The following ZNF736 variants were observed in gnomAD, a reference collection of about 807,000 sequenced individuals.
The protein encoded by ZNF736 is zinc finger protein 736.
In ZNF736, 6 loss-of-function variants were observed where a neutral mutation model predicts 11.7. That is an observed-to-expected ratio of 0.51 (90% CI 0.28 to 1.01). The LOEUF is 1.01. Among genes scored for constraint, ZNF736 ranks in the 50% least tolerant of loss-of-function variants. ZNF736 has a pLI of 0.09. For synonymous variants in ZNF736, 139 were observed against 164.7 expected (o/e 0.84, Z 1.19); for missense variants, 444 against 496.0 (o/e 0.90, Z 1.00).
intron 3 of ZNF736, among the ~76,000 whole-genome samples, chr7:64,340,110 A>G (rs1050745379): frequency 2.0e-5 from 3 of 152,186 alleles, no homozygotes; most frequent in African/African-American, 4.8e-5. Context: ...GCACTAGGGC[A>G]GTGTTCTGCA....
rs1242083666 is a variant in ZNF736 at position 64,349,921 on chromosome 7, AT to A, written c.*777del. Reference sequence around the variant, plus strand: ...TGACTTGTAGGATTTCAGCTGAAAGATTTGTTGTTTTCCTGATGAGCTTCTT... The same window carrying A: ...TGACTTGTAGGATTTCAGCTGAAAGATTGTTGTTTTCCTGATGAGCTTCTT... On this transcript the variant is annotated 3_prime_UTR_variant, in exon 4 of 4. Coordinates refer to ENST00000423484, the MANE Select transcript of ZNF736 (RefSeq NM_001170905.3). 6.6e-6 allele frequency: 1 copy of A among 152,064 alleles called. No individual in the cohort carries two copies. Among genetic ancestry groups the A allele is most frequent in the East Asian group, 1.9e-4 (1 of 5,180 alleles). 9.4% of individuals were successfully genotyped at this position (152,064 alleles called of 1,614,324 possible).
intron 1 of ZNF736, among the ~76,000 whole-genome samples, chr7:64,332,261 C>T (rs558895929): frequency 2.4e-4 from 36 of 151,434 alleles, no homozygotes; most frequent in Non-Finnish European, 3.7e-4. Flanking sequence ...AAGTGTCGGC[C>T]GGCTGAGAAA....
chr7:64,316,148 G>A (rs1788914564), intron 1 of ZNF736, among the ~76,000 whole-genome samples: 1 of 152,236 alleles, frequency 6.6e-6, no homozygotes, highest in Non-Finnish European at 1.5e-5. Flanking sequence ...CTCTTGGAGT[G>A]TCTAGCAAAC....
chr7:64,335,704 G>A (rs1345157997), intron 1 of ZNF736, among the ~76,000 whole-genome samples: 4 of 152,066 alleles, frequency 2.6e-5, no homozygotes, highest in African/African-American at 9.7e-5. Flanking sequence ...GAAGGCTCTC[G>A]TCTTTCTTTA....
chr7:64,330,468 T>G (rs1789149238), intron 1 of ZNF736, among the ~76,000 whole-genome samples: 1 of 151,924 alleles, frequency 6.6e-6, no homozygotes, highest in Non-Finnish European at 1.5e-5. Context: ...GGAAGTGGGT[T>G]TTTTTTCTGA....
chr7:64,324,501 C>T (rs1229731097), intron 1 of ZNF736, among the ~76,000 whole-genome samples: 2 of 152,134 alleles, frequency 1.3e-5, no homozygotes, highest in Admixed American at 1.3e-4. Context: ...AGACTCCTCC[C>T]ATTTAGCTAC....
intron 1 of ZNF736, among the ~76,000 whole-genome samples, chr7:64,319,776 G>A (rs1788978705): frequency 6.6e-6 from 1 of 151,240 alleles, no homozygotes. Context: ...TTGCAGGTGT[G>A]AGCCACTACG....
chr7:64,326,824 T>A (rs1789089192), intron 1 of ZNF736, among the ~76,000 whole-genome samples: 1 of 152,166 alleles, frequency 6.6e-6, no homozygotes, highest in Admixed American at 6.5e-5. Context: ...CAGGAGCATA[T>A]TTTAATTTCT....
intron 3 of ZNF736, among the ~76,000 whole-genome samples, chr7:64,347,061 A>G (rs1327195530): frequency 2.0e-5 from 3 of 151,750 alleles, no homozygotes; most frequent in Non-Finnish European, 4.4e-5. Context: ...TGCAATTTGT[A>G]TAATAAAAAG....
intron 1 of ZNF736, among the ~76,000 whole-genome samples, chr7:64,316,335 G>T (rs1449450304): frequency 6.6e-6 from 1 of 152,176 alleles, no homozygotes; most frequent in Admixed American, 6.5e-5. Context: ...TTCATTTCTT[G>T]CAGACACATT....
intron 3 of ZNF736, 131 bp from the exon 4 acceptor site, chr7:64,347,959 T>A (rs2115969117): frequency 1.1e-6 from 1 of 878,970 alleles, no homozygotes; most frequent in Admixed American, 3.3e-5. Flanking sequence ...TTCTGTTAGG[T>A]TTATATGTCT....
intron 1 of ZNF736, among the ~76,000 whole-genome samples, chr7:64,320,045 T>C (rs1198930830): frequency 6.6e-6 from 1 of 152,170 alleles, no homozygotes; most frequent in Non-Finnish European, 1.5e-5. Context: ...TATTACACTC[T>C]AAATATAAAC....
intron 1 of ZNF736, among the ~76,000 whole-genome samples, chr7:64,333,554 A>G (rs539079763): frequency 6.6e-6 from 1 of 151,662 alleles, no homozygotes; most frequent in South Asian, 2.1e-4. Flanking sequence ...ATTTAATGAG[A>G]ATGGTCTTTA....
chr7:64,344,114 C>G (rs1789376862), intron 3 of ZNF736, among the ~76,000 whole-genome samples: 1 of 152,080 alleles, frequency 6.6e-6, no homozygotes, highest in Non-Finnish European at 1.5e-5. Context: ...ACCAGCCTGG[C>G]CAACATGGCA....
At chr7:64,327,517 G>A (rs7789888) in intron 1 of ZNF736, among the ~76,000 whole-genome samples, 13,691 of 151,982 alleles carry the variant, frequency 0.09, 1,006 homozygotes, top group African/African-American at 0.2. Context: ...TTTGATTGGG[G>A]AGTTAATTTA....
chr7:64,345,895 A>G (rs968433322), intron 3 of ZNF736, among the ~76,000 whole-genome samples: 1 of 152,152 alleles, frequency 6.6e-6, no homozygotes, highest in African/African-American at 2.4e-5. Context: ...TTGTGGTGTC[A>G]CAGGTCATCC....
chr7:64,340,065 C>T (rs572456987), intron 3 of ZNF736, among the ~76,000 whole-genome samples: 6 of 152,202 alleles, frequency 3.9e-5, no homozygotes, highest in African/African-American at 1.2e-4. Flanking sequence ...TCTTGGCAGA[C>T]GGAATTGCCT....
Position 64,348,630 on chromosome 7 carries a change from C to A in ZNF736, c.767C>A (p.Pro256His), listed in dbSNP as rs1185614119. 6.9e-6 allele frequency: 11 copies of A among 1,605,692 alleles called. No individual in the cohort carries two copies. The highest frequency in any genetic ancestry group is 2.3e-5 in the East Asian group (1 of 44,430). Residue 256 changes from proline to histidine, a missense_variant, in exon 4 of 4, where the codon CCC becomes CAC. Pro to His is a moderately conservative substitution (Grantham distance 77). Coordinates refer to ENST00000423484, the MANE Select transcript of ZNF736 (RefSeq NM_001170905.3). ...AAGAGAAATCATACTGGAGACAGAC[C>A]CTACAAATGTGAAGAATGTGGCAAA... ...KHKRNHTGDR[P>H]YKCEECGKAF...
At position 64,348,868 on chromosome 7, in the gene ZNF736, T is replaced by C; in HGVS notation, c.1005T>C (p.His335=). ...FSALSKHKRI[H]TGEKPYICEE... ...CCCTTAGTAAACATAAGAGAATTCA[T>C]ACTGGAGAGAAACCCTACATCTGTG... Residue 335 remains histidine (H), a synonymous_variant, in exon 4 of 4, where the codon CAT becomes CAC. Transcript: ENST00000423484. The C allele has an allele frequency of 6.2e-7, 1 of 1,607,252 alleles. No individual in the cohort carries two copies. The highest frequency in any genetic ancestry group is 1.1e-5 in the South Asian group (1 of 90,316).
Sources: gnomAD v4.1 joint callset for allele counts (sites outside exome capture counted in the v4.1 genomes callset) on GRCh38, gnomAD v4.1.1 for gene constraint, MANE v1.5 for transcripts, NCBI Gene and HGNC (gene_info 2026-07-23, HGNC 2026-07-21) for gene names.